Variants in GABRB1 observed in about 807,000 individuals in gnomAD.
The protein encoded by GABRB1 is gamma-aminobutyric acid receptor subunit beta-1.
In GABRB1, 17 loss-of-function variants were observed where a neutral mutation model predicts 51.6. The observed-to-expected ratio is 0.33, with a 90% confidence interval of 0.23 to 0.49. The LOEUF (loss-of-function observed/expected upper bound fraction) is 0.49, where lower values mean the gene tolerates loss of function less well. Among genes scored for constraint, GABRB1 ranks in the 20% least tolerant of loss-of-function variants. GABRB1 has a pLI of 0.99. For missense variants in GABRB1, 410 were observed against 600.6 expected (o/e 0.68, Z 3.32); for synonymous variants, 247 against 218.9 (o/e 1.13, Z -1.14).
chr4:47,166,062 T>C (rs1319258927), intron 4 of GABRB1, among the ~76,000 whole-genome samples: 1 of 152,026 alleles, frequency 6.6e-6, no homozygotes, highest in African/African-American at 2.4e-5. Context: ...TTTTTCTCAT[T>C]ATTGCCATCT....
chr4:47,203,776 T>C (rs1170829548), intron 4 of GABRB1, among the ~76,000 whole-genome samples: 2 of 151,956 alleles, frequency 1.3e-5, no homozygotes, highest in Non-Finnish European at 2.9e-5. Context: ...ACATCACAGC[T>C]GCCCCCTCAG....
At chr4:47,083,387 G>A (rs1428073591) in intron 3 of GABRB1, among the ~76,000 whole-genome samples, 3 of 152,080 alleles carry the variant, frequency 2.0e-5, no homozygotes, top group African/African-American at 7.2e-5. Flanking sequence ...CACAAGGTAG[G>A]CAAAGCTTAT....
chr4:47,024,936 A>G (rs1045575428), intron 1 of GABRB1, among the ~76,000 whole-genome samples: 5 of 36,774 alleles, frequency 1.4e-4, no homozygotes, highest in Non-Finnish European at 3.0e-4. Context: ...ATTCCATCAT[A>G]TATATATATA....
intron 5 of GABRB1, among the ~76,000 whole-genome samples, chr4:47,334,815 A>G (rs1346400721): frequency 2.0e-5 from 3 of 152,154 alleles, no homozygotes; most frequent in African/African-American, 7.2e-5. Context: ...AAAAGCATTT[A>G]TCCTTTTTTG....
chr4:47,164,410 T>G (rs1243341782), intron 4 of GABRB1, among the ~76,000 whole-genome samples: 1 of 152,084 alleles, frequency 6.6e-6, no homozygotes, highest in Non-Finnish European at 1.5e-5. Context: ...TATAAGAATA[T>G]CCTTATCATA....
intron 5 of GABRB1, among the ~76,000 whole-genome samples, chr4:47,359,645 T>C (rs2110008209): frequency 6.6e-6 from 1 of 152,196 alleles, no homozygotes; most frequent in East Asian, 1.9e-4. Context: ...ATTCTGGGGA[T>C]TATATGAAGA....
chr4:47,230,292 C>T (rs1463085251), intron 4 of GABRB1, among the ~76,000 whole-genome samples: 5 of 152,074 alleles, frequency 3.3e-5, no homozygotes, highest in Non-Finnish European at 5.9e-5. Flanking sequence ...AGTAAGGAGC[C>T]AAAGGCATCT....
Position 47,031,597 on chromosome 4 carries a change from A to T in GABRB1, c.-55A>T. On this transcript the variant is annotated 5_prime_UTR_variant, in exon 1 of 9. The change creates a new upstream start codon in the 5' untranslated region. Transcript: ENST00000295454. The stretch of plus-strand genomic sequence containing the variant: ...GGAATTACTGCCCAGCAGCCGACTA[A>T]GTTGCATTCCTTGAATCTTCGCAGA... The T allele has an allele frequency of 6.8e-7, 1 of 1,460,148 alleles. No homozygotes were observed. 90.4% of individuals were successfully genotyped at this position (1,460,148 alleles called of 1,614,324 possible).
chr4:47,311,440 C>T (rs1379076204), intron 4 of GABRB1, among the ~76,000 whole-genome samples: 2 of 148,842 alleles, frequency 1.3e-5, no homozygotes, highest in Admixed American at 6.7e-5. Context: ...AAAAGATAGT[C>T]GATTATCTTG....
chr4:47,240,751 A>G (rs1721491264), intron 4 of GABRB1, among the ~76,000 whole-genome samples: 2 of 152,216 alleles, frequency 1.3e-5, no homozygotes, highest in South Asian at 4.1e-4. Context: ...TATCAACCTA[A>G]CAGAACTTTG....
chr4:47,043,217 C>T (rs1031373924), intron 3 of GABRB1: 4 of 152,036 alleles, frequency 2.6e-5, no homozygotes, highest in African/African-American at 7.2e-5. Flanking sequence ...GTGGGGAGAA[C>T]TGATCTTTAG....
In GABRB1 at chr4:47,005,416, T is replaced by TCAAA. The variant is rs569415815; in HGVS notation, c.-20+11511_-20+11514dup. Among the ~76,000 whole-genome samples, 1,436 of 151,982 alleles carry TCAAA rather than the reference T, an allele frequency of 9.4e-3. 20 individuals are homozygous for TCAAA. The highest frequency in any genetic ancestry group is 0.032 in the African/African-American group (1,319 of 41,406). Reference sequence around the variant, plus strand: ...ATGGGCGACAGAGTGGGACTCCGTCTCAAACAAACAAACAAACAAACAAAA... The same window carrying TCAAA: ...ATGGGCGACAGAGTGGGACTCCGTCTCAAACAAACAAACAAACAAACAAACAAAA... On this transcript the variant is annotated intron_variant, in intron 1 of 3. Coordinates refer to the GABRB1 transcript ENST00000513567.
At chr4:47,167,614 C>T (rs753726816) in intron 4 of GABRB1, among the ~76,000 whole-genome samples, 7 of 152,084 alleles carry the variant, frequency 4.6e-5, no homozygotes, top group African/African-American at 1.7e-4. Flanking sequence ...TCCTCCAAAA[C>T]TCATATGGAA....
At chr4:47,201,942 C>T (rs538304860) in intron 4 of GABRB1, among the ~76,000 whole-genome samples, 6 of 152,194 alleles carry the variant, frequency 3.9e-5, no homozygotes, top group Admixed American at 6.5e-5. Context: ...CAGGAATGGA[C>T]GTGGATCCCC....
intron 4 of GABRB1, among the ~76,000 whole-genome samples, chr4:47,263,077 A>G (rs1326962530): frequency 6.6e-6 from 1 of 150,808 alleles, no homozygotes. Context: ...TAGCTTTAGG[A>G]GAAATACCTA....
At chr4:47,106,736 A>T (rs1235526963) in intron 3 of GABRB1, among the ~76,000 whole-genome samples, 2 of 151,990 alleles carry the variant, frequency 1.3e-5, no homozygotes, top group Admixed American at 1.3e-4. Flanking sequence ...GAAGCCTCCC[A>T]TCTCTTTCCG....
At chr4:47,188,064 C>T (rs1719261048) in intron 4 of GABRB1, among the ~76,000 whole-genome samples, 1 of 151,912 alleles carries the variant, frequency 6.6e-6, no homozygotes, top group African/African-American at 2.4e-5. Context: ...TCTCCAAACA[C>T]CAGATGTGCT....
chr4:47,280,382 T>C (rs1306320756), intron 4 of GABRB1, among the ~76,000 whole-genome samples: 1 of 151,730 alleles, frequency 6.6e-6, no homozygotes, highest in African/African-American at 2.4e-5. Context: ...GTAATATTTT[T>C]GTCTTTTGCC....
chr4:47,359,196 A>G (rs1305088232), intron 5 of GABRB1, among the ~76,000 whole-genome samples: 1 of 152,128 alleles, frequency 6.6e-6, no homozygotes, highest in Non-Finnish European at 1.5e-5. Flanking sequence ...CTGTAATCTC[A>G]CAGCTCTTGC....
Sources: gnomAD v4.1 joint callset for allele counts (sites outside exome capture counted in the v4.1 genomes callset) on GRCh38, gnomAD v4.1.1 for gene constraint, MANE v1.5 for transcripts, NCBI Gene and HGNC (gene_info 2026-07-23, HGNC 2026-07-21) for gene names.